The following HERC3 variants were observed in gnomAD, a reference collection of about 807,000 sequenced individuals.
HERC3 encodes HECT and RLD domain containing E3 ubiquitin protein ligase 3, also known as probable E3 ubiquitin-protein ligase HERC3.
In HERC3, 58 loss-of-function variants were observed where a neutral mutation model predicts 129.9. The observed-to-expected ratio is 0.45, with a 90% CI of 0.36 to 0.56. The LOEUF is 0.56. Ranked by LOEUF, HERC3 falls within the 20% of genes least tolerant of loss-of-function variation. The pLI, the probability that HERC3 is intolerant of heterozygous loss-of-function variation, is 0.00. For missense variants in HERC3, 835 were observed against 1,244.2 expected (o/e 0.67, Z 4.95); for synonymous variants, 430 against 451.0 (o/e 0.95, Z 0.59).
intron 11 of HERC3, 57 bp from the exon 12 acceptor site, chr4:88,664,096 A>G (rs1282487408): frequency 6.9e-7 from 1 of 1,440,620 alleles, no homozygotes; most frequent in Non-Finnish European, 9.6e-7. Flanking sequence ...TGATGCTTAA[A>G]TAACCATTTA....
At chr4:88,600,507 T>C (rs1001217969) in intron 2 of HERC3, among the ~76,000 whole-genome samples, 1 of 152,198 alleles carries the variant, frequency 6.6e-6, no homozygotes, top group Non-Finnish European at 1.5e-5. Context: ...TTGAGAAGGG[T>C]TTAACATTTT....
the HERC3 span, among the ~76,000 whole-genome samples, chr4:88,569,466 C>T: frequency 6.6e-6 from 1 of 152,214 alleles, no homozygotes; most frequent in Non-Finnish European, 1.5e-5. Flanking sequence ...TATGAAGGTA[C>T]TTTCTTATGT....
chr4:88,638,847 A>AT (rs1727748745), intron 3 of HERC3, among the ~76,000 whole-genome samples: 1 of 152,196 alleles, frequency 6.6e-6, no homozygotes, highest in Non-Finnish European at 1.5e-5. Context: ...AAACGCCATC[A>AT]TCTCAGCCCA....
chr4:88,681,110 C>T (rs948601086), intron 20 of HERC3, 49 bp from the exon 21 acceptor site: 1 of 1,521,062 alleles, frequency 6.6e-7, no homozygotes, highest in African/African-American at 1.4e-5. Flanking sequence ...TGTTTGAAGG[C>T]CAGAAACATT....
At chr4:88,536,497 C>G in the HERC3 span, among the ~76,000 whole-genome samples, 1 of 152,190 alleles carries the variant, frequency 6.6e-6, no homozygotes, top group African/African-American at 2.4e-5. Flanking sequence ...ACATTTATTA[C>G]TTCTTTACAA....
chr4:88,562,834 T>A, the HERC3 span, among the ~76,000 whole-genome samples: 1 of 152,212 alleles, frequency 6.6e-6, no homozygotes, highest in Non-Finnish European at 1.5e-5. Flanking sequence ...TATTTCTGTG[T>A]TCTCTATTCT....
At chr4:88,606,826 A>C (rs796371221) in intron 3 of HERC3, among the ~76,000 whole-genome samples, 2 of 152,324 alleles carry the variant, frequency 1.3e-5, no homozygotes, top group South Asian at 4.1e-4. Context: ...ATTCAAGATG[A>C]GATTTGGGTG....
the HERC3 span, among the ~76,000 whole-genome samples, chr4:88,555,290 A>AAAAAAAG: frequency 6.7e-6 from 1 of 149,890 alleles, no homozygotes; most frequent in African/African-American, 2.5e-5. Flanking sequence ...TCAAAAAAAA[A>AAAAAAAG]AAAAAGAAAA....
chr4:88,596,487 C>A (rs888422630), intron 2 of HERC3, among the ~76,000 whole-genome samples: 4 of 152,180 alleles, frequency 2.6e-5, no homozygotes, highest in African/African-American at 9.7e-5. Flanking sequence ...GTTCACTAGG[C>A]ATTTATCAAG....
At chr4:88,548,148 T>C in the HERC3 span, among the ~76,000 whole-genome samples, 1 of 152,208 alleles carries the variant, frequency 6.6e-6, no homozygotes, top group Admixed American at 6.6e-5. Context: ...TTATGAATAA[T>C]GTTGTTATGA....
At chr4:88,568,865 TCTC>T in the HERC3 span, among the ~76,000 whole-genome samples, 1 of 151,638 alleles carries the variant, frequency 6.6e-6, no homozygotes, top group Non-Finnish European at 1.5e-5. Flanking sequence ...TACTCTCCCT[TCTC>T]CTCTCCTCAA....
intron 3 of HERC3, among the ~76,000 whole-genome samples, chr4:88,645,813 G>A (rs1298989790): frequency 6.6e-6 from 1 of 152,074 alleles, no homozygotes; most frequent in Non-Finnish European, 1.5e-5. Flanking sequence ...TGCACTGATC[G>A]CAGGTAACTG....
chr4:88,699,046 G>C (rs539655106), intron 23 of HERC3, among the ~76,000 whole-genome samples: 10 of 22,876 alleles, frequency 4.4e-4, no homozygotes, highest in Non-Finnish European at 6.7e-4. Context: ...TCTTCCTCAC[G>C]CTCCTCACCC....
At chr4:88,601,317 A>G (rs1336886301) in intron 2 of HERC3, among the ~76,000 whole-genome samples, 1 of 152,256 alleles carries the variant, frequency 6.6e-6, no homozygotes, top group Non-Finnish European at 1.5e-5. Context: ...AATTAAGGCC[A>G]TTGAGTTAAA....
the HERC3 span, among the ~76,000 whole-genome samples, chr4:88,550,653 G>A: frequency 1.8e-4 from 27 of 151,864 alleles, no homozygotes; most frequent in African/African-American, 6.3e-4. Context: ...ACAAATGGAA[G>A]AACATTCCAT....
intron 21 of HERC3, among the ~76,000 whole-genome samples, chr4:88,681,810 C>A (rs1184040635): frequency 6.6e-6 from 1 of 152,140 alleles, no homozygotes. Context: ...TTAAATATTT[C>A]TCTTTATGTT....
Position 88,664,169 on chromosome 4 carries a change from T to C in HERC3, c.1288T>C (p.Leu430=). Residue 430 remains leucine, a synonymous_variant, in exon 12 of 26, where the codon TTA becomes CTA. Transcript: ENST00000402738. ...TTTGAGCAGTGGTGTTGTTCAGATA[T>C]TATCTTCTGCAGCCTGTTGGAATGG... ...ANTINGVVQI[L]SSAACWNGSF... is the part of the protein sequence containing the mutation. 1.9e-6 allele frequency: 3 copies of C among 1,613,388 alleles called. No individual in the cohort carries two copies. The highest frequency in any genetic ancestry group is 2.2e-5 in the East Asian group (1 of 44,858).
chr4:88,563,349 T>C, the HERC3 span, among the ~76,000 whole-genome samples: 1 of 152,228 alleles, frequency 6.6e-6, no homozygotes, highest in Non-Finnish European at 1.5e-5. Flanking sequence ...TATGTTGATT[T>C]TTGTATCCTG....
chr4:88,692,399 A>G lies in HERC3; in HGVS notation c.2657+5100A>G, dbSNP rs547198551. Reference sequence around the variant, plus strand: ...GCAGAGAGTAGAGTAAAGAGATCACATAGTAAGAAATGCCAAACTTAAGGT... The same window carrying G: ...GCAGAGAGTAGAGTAAAGAGATCACGTAGTAAGAAATGCCAAACTTAAGGT... On this transcript the variant is annotated intron_variant, in intron 23 of 25. Coordinates refer to ENST00000402738, the MANE Select transcript of HERC3 (RefSeq NM_014606.3). Among the ~76,000 whole-genome samples the G allele has an allele frequency of 2.3e-4, 35 of 152,274 alleles. 1 individual carries two copies. In the East Asian group the frequency reaches 6.6e-3, roughly 29 times the overall value.
Sources: gnomAD v4.1 joint callset for allele counts (sites outside exome capture counted in the v4.1 genomes callset) on GRCh38, gnomAD v4.1.1 for gene constraint, MANE v1.5 for transcripts, NCBI Gene and HGNC (gene_info 2026-07-23, HGNC 2026-07-21) for gene names.